Variants in CROCC2 observed in about 807,000 individuals in gnomAD.
CROCC2 encodes ciliary rootlet coiled-coil, rootletin family member 2.
CROCC2 carries 163 observed loss-of-function variants against 177.6 expected under a neutral mutation model. That is an observed-to-expected ratio of 0.92 (90% CI 0.81 to 1.05). The LOEUF (loss-of-function observed/expected upper bound fraction) is 1.05. Among genes scored for constraint, CROCC2 ranks in the 50% least tolerant of loss-of-function variants. The probability of loss-of-function intolerance (pLI) is 0.00; values close to 1 mark genes in which losing one functional copy is unlikely to be tolerated. For synonymous variants in CROCC2, 904 were observed against 787.3 expected (o/e 1.15, Z -2.48); for missense variants, 1,929 against 1,797.8 (o/e 1.07, Z -1.32).
intron 28 of CROCC2, chr2:240,986,124 C>T (rs569391538): frequency 1.0e-3 from 370 of 356,064 alleles, no homozygotes; most frequent in Non-Finnish European, 1.9e-3. Context: ...CCATCAGTGT[C>T]CTGCACCGCG....
rs939442693 is a variant in CROCC2 at position 240,946,227 on chromosome 2, C to T, written c.2337C>T (p.Leu779=). ...AGGCCTTGGAGAGGCAGGGCCGGCT[C>T]GCAGCTGAAGAGGCAGCTGATCTCA... is the stretch of plus-strand genomic sequence containing the variant. ...KQEALERQGR[L]AAEEAADLRV... The change falls in exon 15 of 32, where the codon CTC becomes CTT. Residue 779 remains leucine (L), a synonymous_variant. Transcript: ENST00000690015. 1.1e-5 allele frequency: 17 copies of T among 1,538,950 alleles called. No individual in the cohort carries two copies. Among genetic ancestry groups the T allele is most frequent in the Admixed American group, 7.9e-5 (4 of 50,682 alleles).
intron 20 of CROCC2, among the ~76,000 whole-genome samples, chr2:240,961,240 A>G (rs1258538416): frequency 2.0e-5 from 3 of 152,128 alleles, no homozygotes; most frequent in African/African-American, 4.8e-5. Context: ...GTGCACACAC[A>G]TGCATACACA....
chr2:240,966,869 G>T (rs999389672), intron 25 of CROCC2, among the ~76,000 whole-genome samples: 2 of 151,644 alleles, frequency 1.3e-5, no homozygotes, highest in African/African-American at 4.8e-5. Flanking sequence ...ACTCCAGTGG[G>T]CAGGACTGTG....
intron 28 of CROCC2, 69 bp from the exon 29 acceptor site, chr2:240,988,668 CCA>C (rs1184687424): frequency 1.6e-6 from 2 of 1,286,502 alleles, no homozygotes; most frequent in South Asian, 5.5e-5. Context: ...CCCTGTGCTC[CCA>C]GAGGAGGGCT....
At chr2:240,948,626 A>G (rs2059536349) in intron 15 of CROCC2, among the ~76,000 whole-genome samples, 1 of 152,204 alleles carries the variant, frequency 6.6e-6, no homozygotes, top group Non-Finnish European at 1.5e-5. Flanking sequence ...CCTCCCAGGA[A>G]TGGGCACTGC....
chr2:240,935,294 T>C, intron 13 of CROCC2, 64 bp from the exon 14 acceptor site: 1 of 1,302,928 alleles, frequency 7.7e-7, no homozygotes, highest in Non-Finnish European at 9.9e-7. Context: ...GCCTTGGGGA[T>C]GGCTGGCCTA....
intron 1 of CROCC2, among the ~76,000 whole-genome samples, chr2:240,914,781 G>A (rs999073598): frequency 2.6e-5 from 4 of 152,296 alleles, no homozygotes; most frequent in South Asian, 2.1e-4. Flanking sequence ...AGGACGGGAC[G>A]ACGGGGTGGT....
chr2:240,952,518 GCTGGGCAC>G, intron 18 of CROCC2, among the ~76,000 whole-genome samples: 1 of 152,380 alleles, frequency 6.6e-6, no homozygotes, highest in East Asian at 1.9e-4. Context: ...CAGTGCACCT[GCTGGGCAC>G]TGAGGTCTGT....
intron 28 of CROCC2, among the ~76,000 whole-genome samples, chr2:240,988,439 C>T (rs947286158): frequency 6.6e-6 from 1 of 152,174 alleles, no homozygotes; most frequent in African/African-American, 2.4e-5. Context: ...CCTGGGATGT[C>T]ACCTTAAAAG....
intron 1 of CROCC2, among the ~76,000 whole-genome samples, chr2:240,916,878 C>T (rs912020812): frequency 6.6e-6 from 1 of 152,150 alleles, no homozygotes; most frequent in Non-Finnish European, 1.5e-5. Context: ...GCTGGGCCTC[C>T]GTTCTCCGCT....
At chr2:240,919,133 C>T (rs1285990812) in intron 2 of CROCC2, among the ~76,000 whole-genome samples, 4 of 136,944 alleles carry the variant, frequency 2.9e-5, no homozygotes, top group Non-Finnish European at 4.6e-5. Flanking sequence ...GCCAAGGTGA[C>T]AGCGTGGGGG....
intron 19 of CROCC2, chr2:240,959,044 G>A: frequency 2.3e-6 from 1 of 438,972 alleles, no homozygotes; most frequent in Non-Finnish European, 4.1e-6. Context: ...CTGAGCTGAG[G>A]GGCTGCCTCC....
At chr2:240,933,037 G>T in intron 9 of CROCC2, 94 bp from the exon 10 acceptor site, 2 of 1,515,898 alleles carry the variant, frequency 1.3e-6, no homozygotes, top group Non-Finnish European at 1.8e-6. Context: ...CAGTGTCGGG[G>T]GTGTCCTTTC....
At chr2:240,951,790 G>A (rs4606922) in intron 18 of CROCC2, among the ~76,000 whole-genome samples, 86,644 of 151,944 alleles carry the variant, frequency 0.57, 25,294 homozygotes, top group Non-Finnish European at 0.63. Flanking sequence ...ACCTGGATCC[G>A]CCAACCAGCC....
chr2:240,963,996 T>C, intron 21 of CROCC2: 1 of 596,946 alleles, frequency 1.7e-6, no homozygotes, highest in Non-Finnish European at 3.0e-6. Flanking sequence ...CACCTGTCCC[T>C]GCCCACAGGG....
rs1364833385 is a variant in CROCC2 at position 240,917,134 on chromosome 2, G to A, written c.79-1592G>A. Among the ~76,000 whole-genome samples, 3 of 152,204 alleles carry A rather than the reference G, an allele frequency of 2.0e-5. 1 individual carries two copies. Among genetic ancestry groups the A allele is most frequent in the African/African-American group, 7.2e-5 (3 of 41,458 alleles). On this transcript the variant is annotated intron_variant, in intron 1 of 31. Coordinates refer to ENST00000690015, the MANE Select transcript of CROCC2 (RefSeq NM_001351305.2). This position sits in a 1 kb window ranked among gnomAD's most constrained non-coding sequence, Gnocchi z 4.9. ...CCCAGGGGACTGAGAGACAGACCCT[G>A]GTGCACGGGCTGTCGGGAGGACGGG...
rs533080268 is a variant in CROCC2, at chr2:240,947,732, G to A, written c.2364-1247G>A. Among the ~76,000 whole-genome samples the A allele has an allele frequency of 4.6e-5, 7 of 152,308 alleles. No homozygotes were observed. The East Asian group carries it at 1.4e-3, about 29-fold the overall frequency. On this transcript the variant is annotated intron_variant, in intron 15 of 31. Coordinates refer to ENST00000690015, the MANE Select transcript of CROCC2 (RefSeq NM_001351305.2). ...AAGGGCTCCACTCTCGGATCCTCAG[G>A]CCCTGACAAGGCTTCAGCAGTGGGG...
chr2:240,929,726 C>G, intron 5 of CROCC2: 1 of 459,588 alleles, frequency 2.2e-6, no homozygotes, highest in South Asian at 1.5e-5. Context: ...TGGAGAAAGG[C>G]AGCCCGTCCT....
intron 14 of CROCC2, among the ~76,000 whole-genome samples, chr2:240,941,981 C>T (rs972672747): frequency 6.6e-6 from 1 of 152,234 alleles, no homozygotes; most frequent in African/African-American, 2.4e-5. Context: ...GCATTCTTCT[C>T]ATCCGGAAAA....
Sources: allele counts gnomAD v4.1 joint callset (sites outside exome capture counted in the v4.1 genomes callset), GRCh38; gene constraint gnomAD v4.1.1; non-coding constraint Gnocchi (gnomAD v3.1); transcripts MANE v1.5; gene names NCBI Gene and HGNC (gene_info 2026-07-23, HGNC 2026-07-21).